Variants in DENR observed in about 807,000 individuals in gnomAD.
DENR encodes density regulated re-initiation and release factor, also known as density-regulated protein.
In DENR, 6 loss-of-function variants were observed where a neutral mutation model predicts 30.6. That is an observed-to-expected ratio of 0.20 (90% CI 0.11 to 0.39). DENR has a LOEUF of 0.39. Ranked by LOEUF, DENR falls within the 10% of genes least tolerant of loss-of-function variation. The pLI is 1.00. For missense variants in DENR, 141 were observed against 230.9 expected (o/e 0.61, Z 2.52); for synonymous variants, 78 against 72.1 (o/e 1.08, Z -0.41).
chr12:122,758,319 C>T (rs1338515309), intron 2 of DENR, among the ~76,000 whole-genome samples: 1 of 152,186 alleles, frequency 6.6e-6, no homozygotes, highest in East Asian at 1.9e-4. Context: ...ATCCACCCGC[C>T]TCGGCCTCCC....
At chr12:122,764,776 C>T (rs1878803772) in intron 4 of DENR, among the ~76,000 whole-genome samples, 1 of 152,254 alleles carries the variant, frequency 6.6e-6, no homozygotes, top group African/African-American at 2.4e-5. Flanking sequence ...TGCTGCCCCA[C>T]TCATTGCTCC....
At chr12:122,756,932 A>G (rs529762090) in intron 2 of DENR, among the ~76,000 whole-genome samples, 25 of 152,322 alleles carry the variant, frequency 1.6e-4, no homozygotes, top group African/African-American at 5.8e-4. Context: ...AATGAGTGGC[A>G]TAAGTGAGGA....
chr12:122,767,660 C>T, intron 6 of DENR, 56 bp downstream of exon 6: 1 of 996,620 alleles, frequency 1.0e-6, no homozygotes, highest in Non-Finnish European at 1.5e-6. Flanking sequence ...CTCTCTGTCT[C>T]CCTCTATCTC....
chr12:122,754,410 G>A (rs1185881073), intron 2 of DENR: 1 of 152,900 alleles, frequency 6.5e-6, no homozygotes, highest in African/African-American at 2.4e-5. Flanking sequence ...TTTCAATATA[G>A]AAATATTTGT....
At chr12:122,766,050 C>CAAAA (rs76384418) in intron 5 of DENR, among the ~76,000 whole-genome samples, 1 of 133,142 alleles carries the variant, frequency 7.5e-6, no homozygotes, top group South Asian at 2.4e-4. Context: ...TTTGCATCTT[C>CAAAA]AAAAAAAAAA....
intron 1 of DENR, among the ~76,000 whole-genome samples, chr12:122,753,457 CCT>C (rs1878468388): frequency 6.6e-6 from 1 of 152,142 alleles, no homozygotes; most frequent in Non-Finnish European, 1.5e-5. Flanking sequence ...CTAGTGAGTC[CCT>C]CTGCCCCATC....
chr12:122,763,459 A>G (rs1211583319), intron 4 of DENR, among the ~76,000 whole-genome samples: 3 of 152,036 alleles, frequency 2.0e-5, no homozygotes, highest in Non-Finnish European at 4.4e-5. Flanking sequence ...TAGTCCCAGC[A>G]CTTTGGGAGG....
chr12:122,755,388 GCCAACATAGTGAAACC>G (rs1405770280), intron 2 of DENR, among the ~76,000 whole-genome samples: 13 of 152,082 alleles, frequency 8.5e-5, no homozygotes, highest in Non-Finnish European at 1.3e-4. Context: ...GACCAGCCTG[GCCAACATAGTGAAACC>G]CCGTCTCTAC....
chr12:122,758,178 T>C (rs1878600380), intron 2 of DENR, among the ~76,000 whole-genome samples: 1 of 152,136 alleles, frequency 6.6e-6, no homozygotes, highest in African/African-American at 2.4e-5. Flanking sequence ...TTCAAGTGAT[T>C]CTCCTGGTTC....
At chr12:122,756,567 T>A (rs1241799324) in intron 2 of DENR, among the ~76,000 whole-genome samples, 1 of 152,044 alleles carries the variant, frequency 6.6e-6, no homozygotes, top group Non-Finnish European at 1.5e-5. Flanking sequence ...CACAGCCAAA[T>A]GGGGATTTGA....
intron 6 of DENR, chr12:122,768,095 A>G (rs1167508797): frequency 6.5e-6 from 1 of 152,692 alleles, no homozygotes; most frequent in African/African-American, 2.4e-5. Flanking sequence ...AAAAACAATC[A>G]ATAGGCTGGT....
intron 5 of DENR, 29 bp from the exon 6 acceptor site, chr12:122,767,459 A>G: frequency 7.2e-7 from 1 of 1,386,104 alleles, no homozygotes; most frequent in Non-Finnish European, 9.7e-7. Context: ...AAAAACAACT[A>G]AAGCTAAGCT....
intron 2 of DENR, among the ~76,000 whole-genome samples, chr12:122,757,716 G>T (rs1878585942): frequency 6.6e-6 from 1 of 152,206 alleles, no homozygotes; most frequent in Non-Finnish European, 1.5e-5. Context: ...CCATGGGCTG[G>T]TAGGAGTTGA....
intron 2 of DENR, among the ~76,000 whole-genome samples, chr12:122,760,843 C>A (rs953205549): frequency 6.6e-6 from 1 of 152,232 alleles, no homozygotes; most frequent in Admixed American, 6.5e-5. Flanking sequence ...CAGGCTCTAA[C>A]ACCAAATGAC....
intron 2 of DENR, among the ~76,000 whole-genome samples, chr12:122,755,105 T>C (rs953535342): frequency 1.2e-4 from 19 of 152,042 alleles, no homozygotes; most frequent in African/African-American, 4.4e-4. Flanking sequence ...AGAGAGACAG[T>C]ATATGAGCTT....
At chr12:122,767,421 A>G in intron 5 of DENR, 67 bp from the exon 6 acceptor site, 1 of 998,334 alleles carries the variant, frequency 1.0e-6, no homozygotes. Context: ...GAGAATTAAT[A>G]AATTTAAAGA....
chr12:122,762,015 G>A (rs542533602), intron 2 of DENR, among the ~76,000 whole-genome samples, 172 bp from the exon 3 acceptor site: 1 of 152,252 alleles, frequency 6.6e-6, no homozygotes, highest in African/African-American at 2.4e-5. Context: ...ATAACCATGT[G>A]CCTTTTACCC....
intron 2 of DENR, among the ~76,000 whole-genome samples, chr12:122,757,060 G>C (rs770289849): frequency 6.6e-6 from 1 of 152,180 alleles, no homozygotes; most frequent in Non-Finnish European, 1.5e-5. Flanking sequence ...ATTTAGTATT[G>C]CTGGAGTGCT....
chr12:122,760,920 C>A (rs143669701), intron 2 of DENR, among the ~76,000 whole-genome samples: 2 of 152,094 alleles, frequency 1.3e-5, no homozygotes, highest in Non-Finnish European at 2.9e-5. Flanking sequence ...CATGAAAAAG[C>A]CTTGGCAACA....
Sources: gnomAD v4.1 joint callset for allele counts (sites outside exome capture counted in the v4.1 genomes callset) on GRCh38, gnomAD v4.1.1 for gene constraint, MANE v1.5 for transcripts, NCBI Gene and HGNC (gene_info 2026-07-23, HGNC 2026-07-21) for gene names.